AKAP6: variants seen among roughly 807,000 people sequenced by gnomAD.
The protein encoded by AKAP6 is A-kinase anchor protein 6.
A neutral mutation model predicts 188.5 loss-of-function variants in AKAP6; 58 were observed. The observed-to-expected ratio is 0.31, with a 90% CI of 0.25 to 0.38. The LOEUF (loss-of-function observed/expected upper bound fraction) is 0.38, where lower values mean the gene tolerates loss of function less well. Among genes scored for constraint, AKAP6 ranks in the 10% least tolerant of loss-of-function variants. The probability of loss-of-function intolerance (pLI) is 1.00; values close to 1 mark genes in which losing one functional copy is unlikely to be tolerated. For synonymous variants in AKAP6, 989 were observed against 998.6 expected (o/e 0.99, Z 0.18); for missense variants, 2,710 against 2,740.0 (o/e 0.99, Z 0.24).
rs2034844782 is a variant in AKAP6, at chr14:32,833,736, G to A, written c.*3931G>A. On this transcript the variant is annotated 3_prime_UTR_variant, in exon 14 of 14. Coordinates refer to ENST00000280979, the MANE Select transcript of AKAP6 (RefSeq NM_004274.5). Reference sequence around the variant, plus strand: ...AGTTGAAATTTTTTAGAATTTTAAAGAAAAACTCACTTTTCAAGTGTCATA... The same window carrying A: ...AGTTGAAATTTTTTAGAATTTTAAAAAAAAACTCACTTTTCAAGTGTCATA... The A allele has an allele frequency of 6.6e-6, 1 of 152,070 alleles. No individual in the cohort carries two copies. Among genetic ancestry groups the A allele is most frequent in the South Asian group, 2.1e-4 (1 of 4,824 alleles). The allele number at this position is 152,070 out of a possible 1,614,324, so 9.4% of individuals were successfully genotyped here. A position where few individuals can be genotyped will look rare whatever the true frequency, so the allele number is the denominator to read the frequency against.
chr14:32,446,917 G>T (rs1890773621), intron 2 of AKAP6, among the ~76,000 whole-genome samples: 1 of 152,024 alleles, frequency 6.6e-6, no homozygotes, highest in African/African-American at 2.4e-5. Flanking sequence ...TAAATTATTT[G>T]TTTGTGGTCT....
rs556066971 is a variant in AKAP6 at position 32,616,351 on chromosome 14, C to G, written c.2730+15559C>G. On this transcript the variant is annotated intron_variant, in intron 7 of 13. Coordinates refer to ENST00000280979, the MANE Select transcript of AKAP6 (RefSeq NM_004274.5). ...ACAATGGCAAAGACATGGAATCAGT[C>G]TAAACGCCCATCAATTGTAGACTGG... Among the ~76,000 whole-genome samples the G allele has an allele frequency of 7.6e-4, 116 of 152,272 alleles. 1 individual carries two copies. Among genetic ancestry groups the G allele is most frequent in the Non-Finnish European group, 1.2e-3 (81 of 68,022 alleles).
chr14:32,594,383 C>T (rs549411646), intron 5 of AKAP6, among the ~76,000 whole-genome samples: 2 of 152,086 alleles, frequency 1.3e-5, no homozygotes, highest in Non-Finnish European at 2.9e-5. Context: ...TTTTTTGTGG[C>T]ATGTTCTATG....
chr14:32,611,589 T>C (rs1886355822), intron 7 of AKAP6, among the ~76,000 whole-genome samples: 1 of 152,166 alleles, frequency 6.6e-6, no homozygotes, highest in Non-Finnish European at 1.5e-5. Context: ...AGATGTGCAA[T>C]AGAACTTTAA....
chr14:32,694,524 G>T (rs1890317947), intron 8 of AKAP6, among the ~76,000 whole-genome samples: 1 of 152,102 alleles, frequency 6.6e-6, no homozygotes, highest in Non-Finnish European at 1.5e-5. Context: ...CAGAAACACT[G>T]CTCTAGGCCA....
chr14:32,400,266 A>T (rs1443803741), intron 1 of AKAP6, among the ~76,000 whole-genome samples: 4 of 150,930 alleles, frequency 2.7e-5, no homozygotes, highest in Admixed American at 1.3e-4. Context: ...TTTTCAGAGG[A>T]TATAGACCTC....
At position 32,824,715 on chromosome 14, in the gene AKAP6, C is replaced by A. The variant is rs745918835; in HGVS notation, c.6902C>A (p.Thr2301Asn). ...AALHPSPKTL[T>N]CEENLLNLHE... is the part of the protein sequence containing the mutation. Reference sequence around the variant, plus strand: ...TTGCATCCCAGCCCCAAAACTTTAACCTGTGAAGAAAATCTTCTAAACCTT... The same window carrying A: ...TTGCATCCCAGCCCCAAAACTTTAAACTGTGAAGAAAATCTTCTAAACCTT... Residue 2301 changes from threonine (T) to asparagine (N), a missense_variant, in exon 13 of 14, where the codon ACC becomes AAC. By Grantham distance (65) the Thr-to-Asn change is moderately conservative. This residue lies in a region of AKAP6 where 2,473 missense variants were observed against 2,426.1 expected (regional missense o/e 1.02). Coordinates refer to ENST00000280979, the MANE Select transcript of AKAP6 (RefSeq NM_004274.5). 3 of 1,613,624 alleles carry A rather than the reference C, an allele frequency of 1.9e-6. No homozygotes were observed. Among genetic ancestry groups the A allele is most frequent in the Non-Finnish European group, 1.7e-6 (2 of 1,179,836 alleles).
intron 7 of AKAP6, among the ~76,000 whole-genome samples, chr14:32,649,388 A>G (rs925355082): frequency 2.0e-5 from 3 of 152,300 alleles, no homozygotes; most frequent in African/African-American, 7.2e-5. Flanking sequence ...TGTTTAACCT[A>G]TTCTCTACCA....
At chr14:32,725,249 C>T (rs1405172147) in intron 9 of AKAP6, among the ~76,000 whole-genome samples, 1 of 152,130 alleles carries the variant, frequency 6.6e-6, no homozygotes, top group East Asian at 1.9e-4. Flanking sequence ...TTGCAGAGAG[C>T]ATTCATTTTA....
At chr14:32,392,136 ATAAT>A (rs532421563) in intron 1 of AKAP6, among the ~76,000 whole-genome samples, 75 of 152,258 alleles carry the variant, frequency 4.9e-4, no homozygotes, top group Non-Finnish European at 9.4e-4. Context: ...AGTGAAGGAA[ATAAT>A]TAAGTAACTT....
intron 4 of AKAP6, among the ~76,000 whole-genome samples, chr14:32,564,626 T>C (rs1489166168): frequency 1.3e-5 from 2 of 152,204 alleles, no homozygotes; most frequent in African/African-American, 4.8e-5. Flanking sequence ...GAGGGGCAAG[T>C]TGTCTGAATG....
At chr14:32,695,888 A>G in intron 8 of AKAP6, 102 bp from the exon 9 acceptor site, 1 of 1,368,220 alleles carries the variant, frequency 7.3e-7, no homozygotes, top group Non-Finnish European at 9.7e-7. Flanking sequence ...ATTGTAGATA[A>G]CACTAGAAAC....
chr14:32,609,464 T>C (rs1267085573), intron 7 of AKAP6, among the ~76,000 whole-genome samples: 1 of 152,050 alleles, frequency 6.6e-6, no homozygotes, highest in African/African-American at 2.4e-5. Context: ...AGATTGGAGG[T>C]CCCGCCGGGC....
intron 1 of AKAP6, among the ~76,000 whole-genome samples, chr14:32,392,519 A>G (rs1246876888): frequency 6.6e-6 from 1 of 152,148 alleles, no homozygotes; most frequent in African/African-American, 2.4e-5. Context: ...AGTCCTAGAA[A>G]CAGTGAAAGC....
chr14:32,573,779 C>G (rs529243483), intron 4 of AKAP6, among the ~76,000 whole-genome samples: 1 of 151,932 alleles, frequency 6.6e-6, no homozygotes, highest in African/African-American at 2.4e-5. Context: ...TCATTCACAC[C>G]ACAAAGATGC....
intron 7 of AKAP6, among the ~76,000 whole-genome samples, chr14:32,654,955 T>C (rs17099418): frequency 0.17 from 25,557 of 152,118 alleles, 4,140 homozygotes; most frequent in East Asian, 0.62. Flanking sequence ...AAATAATGTT[T>C]GCAGAATTTG....
intron 1 of AKAP6, among the ~76,000 whole-genome samples, chr14:32,347,661 A>G (rs1479017720): frequency 1.3e-5 from 2 of 152,222 alleles, no homozygotes; most frequent in Non-Finnish European, 2.9e-5. Flanking sequence ...CTGAACCCAA[A>G]TGTAAATGAC....
At chr14:32,738,353 G>A (rs1594896687) in intron 11 of AKAP6, among the ~76,000 whole-genome samples, 1 of 152,118 alleles carries the variant, frequency 6.6e-6, no homozygotes, top group Non-Finnish European at 1.5e-5. Context: ...GCTAAAGAAG[G>A]CCACAGCGCT....
At chr14:32,779,094 C>T (rs760949092) in intron 12 of AKAP6, among the ~76,000 whole-genome samples, 18 of 151,812 alleles carry the variant, frequency 1.2e-4, no homozygotes, top group Non-Finnish European at 1.9e-4. Flanking sequence ...TTACATGTTG[C>T]CTATGAGAAA....
Sources: gnomAD v4.1 joint callset for allele counts (sites outside exome capture counted in the v4.1 genomes callset) on GRCh38, gnomAD v4.1.1 for gene constraint, gnomAD v4.1.1 regional missense constraint, MANE v1.5 for transcripts, NCBI Gene and HGNC (gene_info 2026-07-23, HGNC 2026-07-21) for gene names.